The following CCDC148 variants were observed in gnomAD, a reference collection of about 807,000 sequenced individuals.
The protein encoded by CCDC148 is coiled-coil domain-containing protein 148.
A neutral mutation model predicts 85.7 loss-of-function variants in CCDC148; 89 were observed. The observed-to-expected ratio is 1.04, with a 90% CI of 0.87 to 1.24. The LOEUF (loss-of-function observed/expected upper bound fraction) is 1.24. Among genes scored for constraint, CCDC148 ranks in the 50% most tolerant of loss-of-function variants. The pLI is 0.00. For missense variants in CCDC148, 692 were observed against 671.7 expected, an observed-to-expected ratio of 1.03 and a Z score of -0.33; for synonymous variants, 230 against 213.9, an observed-to-expected ratio of 1.08 and a Z score of -0.66.
intron 11 of CCDC148, among the ~76,000 whole-genome samples, chr2:158,189,563 G>A (rs1478058117): frequency 6.6e-6 from 1 of 151,886 alleles, no homozygotes. Context: ...TATGGCAGGA[G>A]CTTTCAGAAT....
chr2:158,203,974 T>C (rs1400822542), intron 11 of CCDC148, among the ~76,000 whole-genome samples: 1 of 152,162 alleles, frequency 6.6e-6, no homozygotes, highest in Non-Finnish European at 1.5e-5. Flanking sequence ...AAGAGACAAT[T>C]CCTTATTCCT....
At chr2:158,241,294 A>C (rs1400564100) in intron 10 of CCDC148, among the ~76,000 whole-genome samples, 1 of 152,228 alleles carries the variant, frequency 6.6e-6, no homozygotes, top group South Asian at 2.1e-4. Flanking sequence ...AACCAGTAAC[A>C]AACTCTATAT....
At chr2:158,206,485 T>C (rs1686252292) in intron 11 of CCDC148, among the ~76,000 whole-genome samples, 1 of 152,188 alleles carries the variant, frequency 6.6e-6, no homozygotes, top group Non-Finnish European at 1.5e-5. Context: ...GTGCTGAGAT[T>C]GATGGCCCTG....
rs750194720 is a variant in CCDC148, at chr2:158,171,476, C to A, written c.*637G>T. Reference sequence around the variant, plus strand: ...AAATATTATGAAATTTTAAATATTTCTTCTAAACAATCACACAAATATATA... The same window carrying A: ...AAATATTATGAAATTTTAAATATTTATTCTAAACAATCACACAAATATATA... On this transcript the variant is annotated 3_prime_UTR_variant, in exon 14 of 14. Coordinates refer to ENST00000283233, the MANE Select transcript of CCDC148 (RefSeq NM_138803.4). The A allele has an allele frequency of 2.0e-5, 3 of 151,792 alleles. No individual in the cohort carries two copies. The highest frequency in any genetic ancestry group is 2.9e-5 in the Non-Finnish European group (2 of 67,924). 9.4% of individuals were successfully genotyped at this position (151,792 alleles called of 1,614,324 possible). A position where few individuals can be genotyped will look rare whatever the true frequency, so the allele number is the denominator to read the frequency against.
At chr2:158,428,857 T>G (rs1159083507) in intron 1 of CCDC148, among the ~76,000 whole-genome samples, 1 of 152,082 alleles carries the variant, frequency 6.6e-6, no homozygotes, top group Non-Finnish European at 1.5e-5. Context: ...TGCAGCACTA[T>G]TCACAATAGC....
At chr2:158,252,896 C>G (rs1688853431) in intron 9 of CCDC148, among the ~76,000 whole-genome samples, 1 of 151,674 alleles carries the variant, frequency 6.6e-6, no homozygotes, top group Admixed American at 6.6e-5. Context: ...ACTTAAAATC[C>G]AACATTTCCA....
intron 11 of CCDC148, among the ~76,000 whole-genome samples, chr2:158,192,502 A>G (rs1685470133): frequency 6.6e-6 from 1 of 152,110 alleles, no homozygotes; most frequent in Non-Finnish European, 1.5e-5. Context: ...AACTTTTATG[A>G]AATTTTATTT....
At chr2:158,207,573 C>G (rs1319065523) in intron 11 of CCDC148, 1 of 152,114 alleles carries the variant, frequency 6.6e-6, no homozygotes, top group Non-Finnish European at 1.5e-5. Flanking sequence ...AAATGTTTAC[C>G]TTTTGGGGTC....
chr2:158,432,636 G>T (rs933288749), intron 1 of CCDC148, among the ~76,000 whole-genome samples: 1 of 152,190 alleles, frequency 6.6e-6, no homozygotes, highest in African/African-American at 2.4e-5. Flanking sequence ...TACACTATTT[G>T]ACTGGCAAAT....
chr2:158,393,665 G>A (rs751149852), intron 1 of CCDC148, among the ~76,000 whole-genome samples: 16 of 152,212 alleles, frequency 1.1e-4, no homozygotes, highest in East Asian at 1.9e-4. Flanking sequence ...CAAGAACACC[G>A]ATGGCTTCAA....
At chr2:158,431,490 A>ATTT (rs1687349028) in intron 1 of CCDC148, among the ~76,000 whole-genome samples, 1 of 106,234 alleles carries the variant, frequency 9.4e-6, no homozygotes, top group African/African-American at 3.3e-5. Context: ...GTGTTTTTTA[A>ATTT]AAAAAAAAAA....
chr2:158,226,225 A>G (rs1311484906), intron 10 of CCDC148, among the ~76,000 whole-genome samples: 29 of 152,196 alleles, frequency 1.9e-4, no homozygotes, highest in Admixed American at 8.5e-4. Context: ...TAAATTCCTC[A>G]ACACATACAC....
At chr2:158,284,042 C>T (rs1404239382) in intron 9 of CCDC148, among the ~76,000 whole-genome samples, 3 of 147,050 alleles carry the variant, frequency 2.0e-5, no homozygotes, top group South Asian at 2.2e-4. Context: ...AACCAAACAC[C>T]GCATATTCTC....
At chr2:158,268,297 G>T (rs575519608) in intron 9 of CCDC148, among the ~76,000 whole-genome samples, 1 of 151,998 alleles carries the variant, frequency 6.6e-6, no homozygotes, top group African/African-American at 2.4e-5. Flanking sequence ...GTTGATTTAC[G>T]CCCTCTTATA....
At chr2:158,256,204 T>C (rs565081378) in intron 9 of CCDC148, among the ~76,000 whole-genome samples, 1 of 151,462 alleles carries the variant, frequency 6.6e-6, no homozygotes, top group Non-Finnish European at 1.5e-5. Flanking sequence ...TAAGTGTCAG[T>C]ATGGCATAAA....
At chr2:158,361,050 C>T (rs1054617217) in intron 1 of CCDC148, among the ~76,000 whole-genome samples, 2 of 151,340 alleles carry the variant, frequency 1.3e-5, no homozygotes, top group East Asian at 3.9e-4. Flanking sequence ...ATAGCTAAAT[C>T]GATCAAGCAG....
chr2:158,368,854 A>C (rs1032469449), intron 1 of CCDC148, among the ~76,000 whole-genome samples: 20 of 152,124 alleles, frequency 1.3e-4, no homozygotes, highest in Non-Finnish European at 2.6e-4. Flanking sequence ...TAGAGATGTG[A>C]AAAAATAAGA....
intron 11 of CCDC148, among the ~76,000 whole-genome samples, chr2:158,198,507 A>G (rs953078878): frequency 1.3e-5 from 2 of 152,188 alleles, no homozygotes; most frequent in African/African-American, 4.8e-5. Context: ...TCATTTTCTG[A>G]ATCATGCCAG....
At chr2:158,277,805 C>A (rs957934363) in intron 9 of CCDC148, among the ~76,000 whole-genome samples, 3 of 152,156 alleles carry the variant, frequency 2.0e-5, no homozygotes, top group African/African-American at 7.2e-5. Context: ...ACCGTGTTAG[C>A]CAGGATGGTC....
Sources: allele counts gnomAD v4.1 joint callset (sites outside exome capture counted in the v4.1 genomes callset), GRCh38; gene constraint gnomAD v4.1.1; transcripts MANE v1.5; gene names NCBI Gene and HGNC (gene_info 2026-07-23, HGNC 2026-07-21).